MEGF11: variants seen among roughly 807,000 people sequenced by gnomAD.
The protein encoded by MEGF11 is multiple epidermal growth factor-like domains protein 11.
MEGF11 carries 126 observed loss-of-function variants against 146.6 expected under a neutral mutation model. The observed-to-expected ratio is 0.86, with a 90% confidence interval of 0.74 to 1.00. The LOEUF is 1.00. Among genes scored for constraint, MEGF11 ranks in the 50% least tolerant of loss-of-function variants. The pLI, the probability that MEGF11 is intolerant of heterozygous loss-of-function variation, is 0.00. For synonymous variants in MEGF11, 532 were observed against 583.4 expected (o/e 0.91, Z 1.27); for missense variants, 1,509 against 1,521.2 (o/e 0.99, Z 0.13).
intron 5 of MEGF11, among the ~76,000 whole-genome samples, chr15:66,048,875 C>A (rs1245132753): frequency 6.6e-6 from 1 of 152,232 alleles, no homozygotes; most frequent in African/African-American, 2.4e-5. Flanking sequence ...GGCATTACCC[C>A]CTCCAGACCT....
At chr15:66,225,922 C>A (rs2091842202) in intron 1 of MEGF11, among the ~76,000 whole-genome samples, 1 of 152,248 alleles carries the variant, frequency 6.6e-6, no homozygotes, top group Non-Finnish European at 1.5e-5. Context: ...CACACCCACA[C>A]TCACACTCAC....
At chr15:66,017,878 C>A (rs1372051897) in intron 5 of MEGF11, among the ~76,000 whole-genome samples, 1 of 152,188 alleles carries the variant, frequency 6.6e-6, no homozygotes, top group Non-Finnish European at 1.5e-5. Flanking sequence ...GCTGATCTAG[C>A]GGCTGCCAGG....
intron 5 of MEGF11, among the ~76,000 whole-genome samples, chr15:66,076,730 C>T (rs893342630): frequency 1.3e-5 from 2 of 152,192 alleles, no homozygotes; most frequent in Non-Finnish European, 2.9e-5. Flanking sequence ...CAGGCCAGGA[C>T]ATGTCCAACC....
At chr15:66,070,623 T>C (rs2085324801) in intron 5 of MEGF11, among the ~76,000 whole-genome samples, 1 of 152,204 alleles carries the variant, frequency 6.6e-6, no homozygotes, top group South Asian at 2.1e-4. Flanking sequence ...GCTAGATAGG[T>C]AATGCTGGGC....
chr15:66,131,728 C>T (rs914960036), intron 1 of MEGF11, among the ~76,000 whole-genome samples: 8 of 152,278 alleles, frequency 5.3e-5, no homozygotes, highest in South Asian at 2.1e-4. Flanking sequence ...ATGCTGCTCG[C>T]TATGTCCTCA....
chr15:66,067,297 G>A (rs149689239), intron 5 of MEGF11, among the ~76,000 whole-genome samples: 29 of 152,270 alleles, frequency 1.9e-4, no homozygotes, highest in African/African-American at 6.7e-4. Flanking sequence ...TTACCCACAC[G>A]GTGGTCACCA....
intron 5 of MEGF11, among the ~76,000 whole-genome samples, chr15:66,026,990 A>G (rs572354139): frequency 6.6e-6 from 1 of 152,350 alleles, no homozygotes; most frequent in Non-Finnish European, 1.5e-5. Flanking sequence ...AAGGACACAT[A>G]TCCCACCTGC....
At chr15:66,070,132 G>A (rs2085304686) in intron 5 of MEGF11, among the ~76,000 whole-genome samples, 1 of 152,230 alleles carries the variant, frequency 6.6e-6, no homozygotes, top group Non-Finnish European at 1.5e-5. Context: ...GGGCTCTGGG[G>A]TGGTAGTCTG....
At position 66,119,163 on chromosome 15, in the gene MEGF11, C is replaced by T. The variant is rs964443906; in HGVS notation, c.224G>A (p.Arg75Gln). 14 of 1,551,342 alleles carry T rather than the reference C, an allele frequency of 9.0e-6. No individual in the cohort carries two copies. Among genetic ancestry groups the T allele is most frequent in the South Asian group, 4.8e-5 (4 of 84,052 alleles). Residue 75 changes from arginine to glutamine, a missense_variant, in exon 4 of 26, where the codon CGG (arginine) becomes CAG (glutamine). Physicochemically the swap from Arg to Gln is conservative, Grantham distance 43. Coordinates refer to ENST00000395614, the MANE Select transcript of MEGF11 (RefSeq NM_001385028.1). The stretch of plus-strand genomic sequence containing the variant: ...CCGGTACATGGTCCGGAGGCCTCTC[C>T]GATACGCCGTCTTATAACTGATCCT... ...RHRISYKTAYRRGLRTMYRRR... is the reference protein window; with the variant it reads ...RHRISYKTAYQRGLRTMYRRR...
At chr15:66,061,319 G>C (rs1430264223) in intron 5 of MEGF11, among the ~76,000 whole-genome samples, 4 of 152,204 alleles carry the variant, frequency 2.6e-5, no homozygotes, top group South Asian at 4.1e-4. Flanking sequence ...GCCGTCCCAG[G>C]CATTCTGGCC....
chr15:65,915,632 A>T, intron 18 of MEGF11, 34 bp from the exon 19 acceptor site: 1 of 1,605,854 alleles, frequency 6.2e-7, no homozygotes, highest in Non-Finnish European at 8.5e-7. Context: ...TAGAGGACCC[A>T]CTCACTCTCC....
chr15:66,242,974 TAAGAG>T (rs111298213), intron 1 of MEGF11, among the ~76,000 whole-genome samples: 8 of 152,232 alleles, frequency 5.3e-5, no homozygotes, highest in African/African-American at 1.9e-4. Context: ...TAAATGATCA[TAAGAG>T]AAGAATGACT....
At chr15:65,909,294 G>A (rs1466366487) in intron 22 of MEGF11, among the ~76,000 whole-genome samples, 159 bp from the exon 23 acceptor site, 1 of 151,988 alleles carries the variant, frequency 6.6e-6, no homozygotes, top group Non-Finnish European at 1.5e-5. Context: ...CAGGGCCAGC[G>A]GGGCCAGGGG....
intron 1 of MEGF11, among the ~76,000 whole-genome samples, chr15:66,203,779 C>A (rs2091229771): frequency 6.6e-6 from 1 of 152,062 alleles, no homozygotes; most frequent in South Asian, 2.1e-4. Flanking sequence ...ATTTGGGTGA[C>A]AATAGAGAAA....
In MEGF11 at chr15:65,916,267, G is replaced by C. The variant is rs1489020203; in HGVS notation, c.2225C>G (p.Ala742Gly). ...CCCACAGTCCTTCCCAAAAAATGCT[G>C]CTGGGCAGCCTAGAGAAACAGGATT... ...TGLFCTQRCP[A>G]AFFGKDCGRV... The change falls in exon 18 of 26, where the codon GCA (alanine) becomes GGA (glycine). Residue 742 changes from alanine (A) to glycine (G), a missense_variant. Physicochemically the swap from Ala to Gly is moderately conservative, Grantham distance 60. Coordinates refer to ENST00000395614, the MANE Select transcript of MEGF11 (RefSeq NM_001385028.1). The C allele has an allele frequency of 1.3e-6, 2 of 1,555,392 alleles. No homozygotes were observed. The highest frequency in any genetic ancestry group is 2.4e-5 in the East Asian group (1 of 41,322).
At chr15:66,162,057 G>A (rs2089968121) in intron 1 of MEGF11, among the ~76,000 whole-genome samples, 1 of 152,138 alleles carries the variant, frequency 6.6e-6, no homozygotes, top group African/African-American at 2.4e-5. Context: ...CCACGGAATT[G>A]ATCCTATGAC....
At chr15:66,241,907 C>T (rs1261007653) in intron 1 of MEGF11, among the ~76,000 whole-genome samples, 1 of 152,202 alleles carries the variant, frequency 6.6e-6, no homozygotes, top group Non-Finnish European at 1.5e-5. Flanking sequence ...ATAACAGCAG[C>T]ACATACACAG....
chr15:66,159,518 C>T (rs1366389484), intron 1 of MEGF11, among the ~76,000 whole-genome samples: 1 of 152,194 alleles, frequency 6.6e-6, no homozygotes, highest in Non-Finnish European at 1.5e-5. Context: ...ACTTGGCCCA[C>T]AATAGTGGTC....
chr15:66,145,463 A>G (rs993516564), intron 1 of MEGF11, among the ~76,000 whole-genome samples: 8 of 152,192 alleles, frequency 5.3e-5, no homozygotes, highest in Non-Finnish European at 1.0e-4. Context: ...ATAATTAGCT[A>G]TAGCCAGGTG....
Sources: gnomAD v4.1 joint callset for allele counts (sites outside exome capture counted in the v4.1 genomes callset) on GRCh38, gnomAD v4.1.1 for gene constraint, MANE v1.5 for transcripts, NCBI Gene and HGNC (gene_info 2026-07-23, HGNC 2026-07-21) for gene names.